Variants in BMPR1B observed in about 807,000 individuals in gnomAD.
BMPR1B encodes the protein bone morphogenetic protein receptor type 1B, also known as bone morphogenetic protein receptor type-1B.
A neutral mutation model predicts 59.1 loss-of-function variants in BMPR1B; 12 were observed. That is an observed-to-expected ratio of 0.20 (90% CI 0.13 to 0.33). The LOEUF is 0.33. BMPR1B is among the 10% of genes least tolerant of loss of function. The pLI is 1.00. For synonymous variants in BMPR1B, 237 were observed against 207.3 expected (o/e 1.14, Z -1.23); for missense variants, 550 against 610.9 (o/e 0.90, Z 1.05).
chr4:95,003,844 G>A (rs1301576557), intron 3 of BMPR1B, among the ~76,000 whole-genome samples: 2 of 108,442 alleles, frequency 1.8e-5, no homozygotes, highest in Non-Finnish European at 3.3e-5. Flanking sequence ...GTCTTGCTCT[G>A]TCGCCCAGGC....
intron 1 of BMPR1B, among the ~76,000 whole-genome samples, chr4:94,769,758 A>T (rs1452368712): frequency 6.6e-6 from 1 of 152,218 alleles, no homozygotes; most frequent in Non-Finnish European, 1.5e-5. Context: ...TCTTTAGGTG[A>T]TGCCATCAGG....
intron 2 of BMPR1B, among the ~76,000 whole-genome samples, chr4:94,990,940 G>T (rs1721711389): frequency 6.6e-6 from 1 of 152,140 alleles, no homozygotes; most frequent in African/African-American, 2.4e-5. Context: ...TATGAAAACA[G>T]CTCAGCTGCC....
intron 3 of BMPR1B, among the ~76,000 whole-genome samples, chr4:95,102,651 C>A (rs1363330927): frequency 6.6e-6 from 1 of 152,088 alleles, no homozygotes; most frequent in East Asian, 1.9e-4. Flanking sequence ...TCTACCCTGG[C>A]ATAGCAAGCG....
chr4:95,148,689 T>C, intron 10 of BMPR1B, 59 bp from the exon 11 acceptor site: 2 of 1,544,082 alleles, frequency 1.3e-6, no homozygotes, highest in Non-Finnish European at 1.8e-6. Flanking sequence ...AGAATCACCT[T>C]GATTCGTTTT....
intron 2 of BMPR1B, among the ~76,000 whole-genome samples, chr4:94,975,851 A>G (rs1560575716): frequency 6.6e-6 from 1 of 152,158 alleles, no homozygotes; most frequent in Non-Finnish European, 1.5e-5. Context: ...TTTCTGTGAC[A>G]TTTCCCACAT....
At chr4:95,121,317 G>A (rs1345475267) in intron 6 of BMPR1B, among the ~76,000 whole-genome samples, 1 of 152,200 alleles carries the variant, frequency 6.6e-6, no homozygotes, top group African/African-American at 2.4e-5. Context: ...TCATGGATTG[G>A]AAGATTTATG....
intron 3 of BMPR1B, among the ~76,000 whole-genome samples, chr4:95,068,614 A>G (rs1369226028): frequency 6.6e-6 from 1 of 152,184 alleles, no homozygotes. Flanking sequence ...AGACCTTACC[A>G]GTGGGGGATA....
chr4:94,840,409 T>C (rs1169937330), intron 1 of BMPR1B, among the ~76,000 whole-genome samples: 3 of 148,382 alleles, frequency 2.0e-5, no homozygotes, highest in Admixed American at 2.0e-4. Flanking sequence ...CAATCAGATG[T>C]AGATTTGGTC....
At chr4:94,960,125 G>A (rs892212625) in intron 2 of BMPR1B, among the ~76,000 whole-genome samples, 1 of 152,116 alleles carries the variant, frequency 6.6e-6, no homozygotes, top group Non-Finnish European at 1.5e-5. Flanking sequence ...GTCCAAAAAT[G>A]TAGTAAATCT....
At chr4:95,020,207 A>G (rs554538264) in intron 3 of BMPR1B, among the ~76,000 whole-genome samples, 1 of 152,256 alleles carries the variant, frequency 6.6e-6, no homozygotes, top group Non-Finnish European at 1.5e-5. Flanking sequence ...ACTGCTAGGT[A>G]GGGATGCCAC....
intron 2 of BMPR1B, among the ~76,000 whole-genome samples, chr4:94,910,371 C>T (rs1433321404): frequency 6.6e-6 from 1 of 152,080 alleles, no homozygotes; most frequent in African/African-American, 2.4e-5. Flanking sequence ...CACCATGTCT[C>T]AGGTGATAGT....
At chr4:94,860,687 T>C (rs893463459) in intron 1 of BMPR1B, among the ~76,000 whole-genome samples, 2 of 152,216 alleles carry the variant, frequency 1.3e-5, no homozygotes, top group African/African-American at 4.8e-5. Context: ...AGCATTGAGA[T>C]TGTAGTATAG....
intron 3 of BMPR1B, among the ~76,000 whole-genome samples, chr4:95,001,671 C>T (rs568976751): frequency 1.5e-4 from 23 of 152,052 alleles, no homozygotes; most frequent in Non-Finnish European, 3.4e-4. Flanking sequence ...ATTATTTGTT[C>T]TAATTTACAC....
chr4:94,887,403 C>CAAAAAAAAAAAAAAAAA (rs57818132), intron 2 of BMPR1B, among the ~76,000 whole-genome samples: 46 of 54,802 alleles, frequency 8.4e-4, no homozygotes, highest in Non-Finnish European at 1.0e-3. Flanking sequence ...CACCCCCCAC[C>CAAAAAAAAAAAAAAAAA]AAAAAAAAAA....
intron 1 of BMPR1B, among the ~76,000 whole-genome samples, chr4:94,821,388 A>G (rs898319427): frequency 1.3e-5 from 2 of 152,184 alleles, no homozygotes; most frequent in Admixed American, 1.3e-4. Flanking sequence ...TTCTCAGAAA[A>G]TAATTTTTGC....
intron 1 of BMPR1B, among the ~76,000 whole-genome samples, chr4:94,816,247 A>G (rs1207699844): frequency 6.6e-6 from 1 of 152,172 alleles, no homozygotes; most frequent in Non-Finnish European, 1.5e-5. Context: ...CCCAGGTTCA[A>G]GCGATTCTCC....
chr4:95,140,134 A>G (rs1734115521), intron 10 of BMPR1B, among the ~76,000 whole-genome samples: 1 of 152,086 alleles, frequency 6.6e-6, no homozygotes, highest in Non-Finnish European at 1.5e-5. Context: ...TTACCATGAA[A>G]TGTCTTGCCT....
At chr4:95,037,455 T>C (rs1725342979) in intron 3 of BMPR1B, among the ~76,000 whole-genome samples, 1 of 152,120 alleles carries the variant, frequency 6.6e-6, no homozygotes. Flanking sequence ...TATACTTGTG[T>C]GAATGGAAAA....
At chr4:94,808,649 C>T (rs1483016146) in intron 1 of BMPR1B, among the ~76,000 whole-genome samples, 1 of 152,178 alleles carries the variant, frequency 6.6e-6, no homozygotes, top group Non-Finnish European at 1.5e-5. Context: ...AAACTAGAAT[C>T]TGAAAGGATT....
Sources: gnomAD v4.1 joint callset for allele counts (sites outside exome capture counted in the v4.1 genomes callset) on GRCh38, gnomAD v4.1.1 for gene constraint, MANE v1.5 for transcripts, NCBI Gene and HGNC (gene_info 2026-07-23, HGNC 2026-07-21) for gene names.